The following PML variants were observed in gnomAD, a reference collection of about 807,000 sequenced individuals.
The protein encoded by PML is PML nuclear body scaffold.
PML carries 28 observed loss-of-function variants against 65.2 expected under a neutral mutation model. That is an observed-to-expected ratio of 0.43 (90% CI 0.32 to 0.59). The LOEUF is 0.59. Among genes scored for constraint, PML ranks in the 20% least tolerant of loss-of-function variants. The pLI is 0.08. For missense variants in PML, 1,021 were observed against 1,203.4 expected (o/e 0.85, Z 2.24); for synonymous variants, 500 against 508.8 (o/e 0.98, Z 0.23).
intron 4 of PML, chr15:74,025,361 A>G (rs79583791): frequency 0.022 from 4,282 of 198,710 alleles, 76 homozygotes; most frequent in Non-Finnish European, 0.033. Flanking sequence ...CCTACCCCCA[A>G]TGTGGGAGCC....
rs534413489 is a variant in PML at position 74,030,064 on chromosome 15, G to C, written c.1255-2508G>C. 1.7e-4 allele frequency among the ~76,000 whole-genome samples: 26 copies of C among 152,304 alleles called. No individual in the cohort carries two copies. In the South Asian group the frequency reaches 5.0e-3, roughly 29 times the overall value. The stretch of plus-strand genomic sequence containing the variant: ...TGGTACCTGGCACACCCAGGAGCCA[G>C]CACTGTGCTGGGGCCATCCCTGCCT... On this transcript the variant is annotated intron_variant, in intron 4 of 8. Coordinates refer to ENST00000268058, the MANE Select transcript of PML (RefSeq NM_033238.3).
intron 2 of PML, among the ~76,000 whole-genome samples, chr15:74,018,297 T>C (rs1266248627): frequency 7.2e-6 from 1 of 139,436 alleles, no homozygotes; most frequent in Non-Finnish European, 1.5e-5. Flanking sequence ...CACTCCAGCC[T>C]GGGCAACAGA....
In PML at chr15:73,998,291, G is replaced by C. The variant is rs1170797771; in HGVS notation, c.417G>C (p.Trp139Cys). ...CTRCKESADF[W>C]CFECEQLLCA... ...GCTGCAAAGAGTCGGCCGACTTCTG[G>C]TGCTTTGAGTGCGAGCAGCTCCTCT... Residue 139 changes from tryptophan to cysteine, a missense_variant, in exon 2 of 9, where the codon TGG becomes TGC. Physicochemically the swap from Trp to Cys is radical, Grantham distance 215. Coordinates refer to ENST00000268058, the MANE Select transcript of PML (RefSeq NM_033238.3). The C allele has an allele frequency of 1.9e-6, 3 of 1,614,108 alleles. No individual in the cohort carries two copies. The highest frequency in any genetic ancestry group is 2.5e-6 in the Non-Finnish European group (3 of 1,180,050).
Position 74,043,233 on chromosome 15 carries a change from A to T in PML, c.1861+94A>T. The T allele has an allele frequency of 6.2e-7, 1 of 1,606,514 alleles. No homozygotes were observed. Among genetic ancestry groups the T allele is most frequent in the Non-Finnish European group, 8.5e-7 (1 of 1,176,332 alleles). ...CAGAGCCATCTGCCAGGCCCAGGAG[A>T]GCTCTGAGCTCTGGCCAACAACTGC... On this transcript the variant is annotated intron_variant, in intron 8 of 8. Transcript: ENST00000268058. The surrounding 1 kb of genome is among the most constrained non-coding windows in gnomAD (Gnocchi z 4.3).
At chr15:73,994,981 G>A (rs1228581957) in intron 1 of PML, 40 bp downstream of exon 1, 7 of 1,488,214 alleles carry the variant, frequency 4.7e-6, no homozygotes, top group Non-Finnish European at 6.3e-6. Flanking sequence ...AAGCTTTGTT[G>A]GTTTGCTGTG....
At chr15:74,015,191 G>A (rs1255586609) in intron 2 of PML, among the ~76,000 whole-genome samples, 1 of 152,122 alleles carries the variant, frequency 6.6e-6, no homozygotes, top group African/African-American at 2.4e-5. Flanking sequence ...GAGGTCCATA[G>A]GAATAATGCA....
chr15:74,044,328 G>T lies in PML; in HGVS notation c.1969G>T (p.Val657Leu). Reference sequence around the variant, plus strand: ...CTACTCCAAGGCCGTGTCCCTGGAGGTGGGGCTGCAGCACTTCCTCAGCTT... The same window carrying T: ...CTACTCCAAGGCCGTGTCCCTGGAGTTGGGGCTGCAGCACTTCCTCAGCTT... ...SIYSKAVSLE[V>L]GLQHFLSFLS... The change falls in exon 9 of 9, where the codon GTG (valine) becomes TTG (leucine). Residue 657 changes from valine (V) to leucine (L), a missense_variant. By Grantham distance (32) the Val-to-Leu change is conservative. Transcript: ENST00000268058. 6.2e-7 allele frequency: 1 copy of T among 1,614,170 alleles called. No homozygotes were observed. Among genetic ancestry groups the T allele is most frequent in the Non-Finnish European group, 8.5e-7 (1 of 1,180,014 alleles).
Position 74,044,606 on chromosome 15 carries a change from C to T in PML, c.2247C>T (p.Ala749=). The T allele has an allele frequency of 1.2e-6, 2 of 1,608,140 alleles. No homozygotes were observed. The highest frequency in any genetic ancestry group is 1.7e-6 in the Non-Finnish European group (2 of 1,179,964). The change falls in exon 9 of 9, where the codon GCC becomes GCT. Residue 749 remains alanine (A), a synonymous_variant. Coordinates refer to ENST00000268058, the MANE Select transcript of PML (RefSeq NM_033238.3). ...GCAGCGCCATGGCTGCCGTGCTGGC[C>T]ATGCGTGACCTGTGCCGCCTCCTCG... is the stretch of plus-strand genomic sequence containing the variant. ...SERSAMAAVL[A]MRDLCRLLEV...
intron 4 of PML, among the ~76,000 whole-genome samples, chr15:74,031,603 T>C (rs1209526151): frequency 6.6e-6 from 1 of 152,278 alleles, no homozygotes; most frequent in Non-Finnish European, 1.5e-5. Flanking sequence ...TTTTGGCTAT[T>C]GTGAGTAGTG....
chr15:74,030,057 G>A (rs1290680946), intron 4 of PML, among the ~76,000 whole-genome samples: 2 of 152,206 alleles, frequency 1.3e-5, no homozygotes, highest in Admixed American at 6.5e-5. Context: ...GGCACACCCA[G>A]GAGCCAGCAC....
chr15:74,033,514 A>G lies in PML; in HGVS notation c.1657+100A>G, dbSNP rs747087408. 7 of 1,287,254 alleles carry G rather than the reference A, an allele frequency of 5.4e-6. No individual in the cohort carries two copies. In the African/African-American group the frequency reaches 7.3e-5, roughly 13 times the overall value. The allele number at this position is 1,287,254 out of a possible 1,614,324, so 79.7% of individuals were successfully genotyped here. A position where few individuals can be genotyped will look rare whatever the true frequency, so the allele number is the denominator to read the frequency against. The stretch of plus-strand genomic sequence containing the variant: ...GCCCCATCCAGAAAGCCCAAAGCCA[A>G]CAGGAGTCCCTTATTCCCACTGAAT... On this transcript the variant is annotated intron_variant, in intron 6 of 8. Coordinates refer to ENST00000268058, the MANE Select transcript of PML (RefSeq NM_033238.3).
chr15:74,005,711 T>C (rs1307957604), intron 2 of PML, among the ~76,000 whole-genome samples: 1 of 152,180 alleles, frequency 6.6e-6, no homozygotes, highest in Non-Finnish European at 1.5e-5. Flanking sequence ...ACAGTTGGCA[T>C]TTACAGAGGT....
chr15:74,023,195 C>T lies in PML; in HGVS notation c.970C>T (p.Gln324Ter). 6.2e-7 allele frequency: 1 copy of T among 1,608,252 alleles called. No individual in the cohort carries two copies. The highest frequency in any genetic ancestry group is 8.5e-7 in the Non-Finnish European group (1 of 1,177,958). ...GCTGGGCCGCCTGGATGCTGTGCTG[C>T]AGCGCATCCGCACGGGCAGCGCGCT... ...SRLGRLDAVL[Q>*]RIRTGSALVQ... Residue 324 changes from glutamine (Q) to a stop codon, truncating the protein, a stop_gained, in exon 3 of 9, where the codon CAG (glutamine) becomes TAG (stop). Transcript: ENST00000268058. LOFTEE classifies it high-confidence loss of function.
rs2071737532 is a variant in PML, at chr15:74,043,628, G to C, written c.1861+489G>C. On this transcript the variant is annotated intron_variant, in intron 8 of 8. Transcript: ENST00000268058. This position sits in a 1 kb window ranked among gnomAD's most constrained non-coding sequence, Gnocchi z 4.3. ...TCTACTTCCTCCAGTGCTTGCCCTG[G>C]CTCTGCAAATGCCCCTCCTTGAGCC... The C allele has an allele frequency of 2.1e-6, 1 of 481,982 alleles. No individual in the cohort carries two copies. The highest frequency in any genetic ancestry group is 2.0e-5 in the African/African-American group (1 of 50,876). The allele number at this position is 481,982 out of a possible 1,614,324, so 29.9% of individuals were successfully genotyped here. A position where few individuals can be genotyped will look rare whatever the true frequency, so the allele number is the denominator to read the frequency against.
intron 2 of PML, among the ~76,000 whole-genome samples, chr15:74,016,452 T>G (rs796564874): frequency 2.0e-5 from 3 of 152,206 alleles, no homozygotes; most frequent in African/African-American, 7.2e-5. Flanking sequence ...CATAAAGGGA[T>G]AAATGAAACA....
chr15:74,014,481 C>T (rs1035824119), intron 2 of PML, among the ~76,000 whole-genome samples: 3 of 151,554 alleles, frequency 2.0e-5, no homozygotes, highest in Non-Finnish European at 4.4e-5. Flanking sequence ...TACAGGTGCC[C>T]GCCACCACAC....
chr15:74,037,242 C>T lies in PML; in HGVS notation c.1710+2712C>T. 2.0e-6 allele frequency: 2 copies of T among 985,424 alleles called. No individual in the cohort carries two copies. Among genetic ancestry groups the T allele is most frequent in the Non-Finnish European group, 2.4e-6 (2 of 829,938 alleles). The allele number at this position is 985,424 out of a possible 1,614,324, so 61.0% of individuals were successfully genotyped here. On this transcript the variant is annotated intron_variant, in intron 7 of 8. Transcript: ENST00000268058. The surrounding 1 kb of genome is among the most constrained non-coding windows in gnomAD (Gnocchi z 4.2). ...CAGCTGATGGCGGCACCTTCTGCTC[C>T]AGGGAGAAAACAGGAGCTCTCCAAT...
chr15:74,016,860 G>A (rs964717600), intron 2 of PML, among the ~76,000 whole-genome samples: 4 of 137,624 alleles, frequency 2.9e-5, no homozygotes, highest in African/African-American at 8.1e-5. Context: ...GCAGTGGTGC[G>A]ATCTTGGCTC....
chr15:74,036,198 CAAGA>C, intron 7 of PML: 2 of 1,588,304 alleles, frequency 1.3e-6, no homozygotes, highest in Middle Eastern at 2.2e-4. Flanking sequence ...CCTCTTTGCC[CAAGA>C]AAGAAACTTC....
Sources: allele counts gnomAD v4.1 joint callset (sites outside exome capture counted in the v4.1 genomes callset), GRCh38; gene constraint gnomAD v4.1.1; non-coding constraint Gnocchi (gnomAD v3.1); transcripts MANE v1.5; gene names NCBI Gene and HGNC (gene_info 2026-07-23, HGNC 2026-07-21).